MIR2052HG: variants seen among roughly 807,000 people sequenced by gnomAD.
The protein encoded by MIR2052HG is MIR2052 host gene.
chr8:74,718,756 CTTG>C (rs1428179931), intron 4 of MIR2052HG, among the ~76,000 whole-genome samples: 1 of 152,118 alleles, frequency 6.6e-6, no homozygotes, highest in Admixed American at 6.6e-5. Flanking sequence ...CTGTCAACTT[CTTG>C]TTGTATCCTT....
In MIR2052HG at chr8:74,703,065, T is replaced by C. The variant is rs114223639; in HGVS notation, n.295-541T>C. 5.5e-3 allele frequency among the ~76,000 whole-genome samples: 841 copies of C among 152,032 alleles called. 11 individuals are homozygous for C. The highest frequency in any genetic ancestry group is 0.019 in the African/African-American group (773 of 41,478). ...CCCTAATGTCAATGGGGTGGAAAGA[T>C]CCTAGAGTAGCAGAAGTCACATAAG... is the stretch of plus-strand genomic sequence containing the variant. On this transcript the variant is annotated intron_variant and non_coding_transcript_variant, in intron 3 of 6. Coordinates refer to ENST00000523442, the Ensembl canonical transcript of MIR2052HG.
At chr8:74,662,956 G>A (rs1256553017) in intron 2 of MIR2052HG, among the ~76,000 whole-genome samples, 2 of 151,590 alleles carry the variant, frequency 1.3e-5, no homozygotes, top group East Asian at 1.9e-4. Flanking sequence ...TTTTAAAGAT[G>A]CATGATAGTA....
At chr8:74,642,671 T>C (rs757604320) in intron 2 of MIR2052HG, among the ~76,000 whole-genome samples, 1 of 151,596 alleles carries the variant, frequency 6.6e-6, no homozygotes, top group South Asian at 2.1e-4. Flanking sequence ...CAAGAATTAG[T>C]TATTGTGTCT....
At chr8:74,753,850 G>T (rs902217576) in intron 5 of MIR2052HG, among the ~76,000 whole-genome samples, 1 of 152,092 alleles carries the variant, frequency 6.6e-6, no homozygotes, top group African/African-American at 2.4e-5. Flanking sequence ...TTCTCTTAAT[G>T]TGTTGCCTTC....
At chr8:74,688,917 T>C (rs1586914445) in intron 2 of MIR2052HG, among the ~76,000 whole-genome samples, 1 of 152,324 alleles carries the variant, frequency 6.6e-6, no homozygotes, top group Non-Finnish European at 1.5e-5. Context: ...AGATGTTTGG[T>C]CTTCCACTCT....
intron 2 of MIR2052HG, among the ~76,000 whole-genome samples, chr8:74,635,445 G>T (rs1203609839): frequency 7.2e-5 from 11 of 152,174 alleles, no homozygotes; most frequent in East Asian, 3.9e-4. Flanking sequence ...GGGATCCACA[G>T]ATATAGAAAG....
At chr8:74,610,956 A>G (rs1563511694) in intron 1 of MIR2052HG, among the ~76,000 whole-genome samples, 2 of 152,096 alleles carry the variant, frequency 1.3e-5, no homozygotes, top group African/African-American at 4.8e-5. Context: ...TACCAAAAAC[A>G]TAATTCACAA....
At chr8:74,752,259 G>A (rs184207107) in intron 4 of MIR2052HG, among the ~76,000 whole-genome samples, 1 of 147,360 alleles carries the variant, frequency 6.8e-6, no homozygotes, top group Non-Finnish European at 1.5e-5. Flanking sequence ...TCCAGCCTGG[G>A]TGACAGAGTG....
intron 4 of MIR2052HG, among the ~76,000 whole-genome samples, chr8:74,717,569 G>T (rs771613586): frequency 1.5e-4 from 23 of 152,090 alleles, no homozygotes; most frequent in Admixed American, 6.6e-5. Context: ...CGTAATCCCA[G>T]CATTTTGGGA....
chr8:74,641,991 C>T (rs1045161112), intron 2 of MIR2052HG, among the ~76,000 whole-genome samples: 12 of 151,990 alleles, frequency 7.9e-5, no homozygotes, highest in African/African-American at 4.8e-5. Flanking sequence ...GGGCAGAAAA[C>T]GTAGCAGTGG....
intron 2 of MIR2052HG, among the ~76,000 whole-genome samples, chr8:74,654,950 AG>A (rs1365622608): frequency 6.6e-6 from 1 of 152,168 alleles, no homozygotes; most frequent in East Asian, 1.9e-4. Context: ...GCCCAGGCTG[AG>A]AAGGTCTCAG....
chr8:74,645,494 A>T (rs1808682145), intron 2 of MIR2052HG, among the ~76,000 whole-genome samples: 1 of 152,178 alleles, frequency 6.6e-6, no homozygotes, highest in African/African-American at 2.4e-5. Flanking sequence ...TATGTTGGTC[A>T]GGCTGGTCAC....
chr8:74,659,030 A>G (rs989117972), intron 2 of MIR2052HG, among the ~76,000 whole-genome samples: 1 of 152,256 alleles, frequency 6.6e-6, no homozygotes, highest in African/African-American at 2.4e-5. Flanking sequence ...GATTTATCTA[A>G]CAAAATTTTA....
intron 2 of MIR2052HG, among the ~76,000 whole-genome samples, chr8:74,665,304 A>T (rs1239401610): frequency 6.6e-6 from 1 of 152,238 alleles, no homozygotes; most frequent in African/African-American, 2.4e-5. Context: ...TCGCATCGAT[A>T]TGCTTGGCCC....
chr8:74,618,901 A>G (rs917525527), intron 2 of MIR2052HG, among the ~76,000 whole-genome samples: 1 of 152,144 alleles, frequency 6.6e-6, no homozygotes, highest in African/African-American at 2.4e-5. Context: ...ATCCCTAAAG[A>G]CTTTATACAA....
At chr8:74,754,291 G>A (rs182306045) in intron 5 of MIR2052HG, among the ~76,000 whole-genome samples, 7 of 152,250 alleles carry the variant, frequency 4.6e-5, no homozygotes, top group Admixed American at 4.6e-4. Flanking sequence ...CCTCTTAGCA[G>A]CATTTAATAG....
chr8:74,607,611 T>C (rs1199499128), intron 1 of MIR2052HG, among the ~76,000 whole-genome samples: 3 of 152,048 alleles, frequency 2.0e-5, no homozygotes, highest in Non-Finnish European at 4.4e-5. Flanking sequence ...AAACTCCATC[T>C]AAAAAAATAA....
chr8:74,645,118 A>G (rs1808678080), intron 2 of MIR2052HG, among the ~76,000 whole-genome samples: 1 of 152,104 alleles, frequency 6.6e-6, no homozygotes, highest in South Asian at 2.1e-4. Context: ...GCTAAGTAAG[A>G]AGAAATGTAC....
At chr8:74,718,182 A>T (rs2651668) in intron 4 of MIR2052HG, among the ~76,000 whole-genome samples, 98,868 of 152,054 alleles carry the variant, frequency 0.65, 33,755 homozygotes, top group African/African-American at 0.86. Flanking sequence ...TTTAATATGA[A>T]CATTTTTATA....
Sources: gnomAD v4.1 joint callset for allele counts (sites outside exome capture counted in the v4.1 genomes callset) on GRCh38, gnomAD v4.1.1 for gene constraint, MANE v1.5 for transcripts, NCBI Gene and HGNC (gene_info 2026-07-23, HGNC 2026-07-21) for gene names.